MMRN1: variants seen among roughly 807,000 people sequenced by gnomAD.
MMRN1 encodes the protein multimerin-1.
A neutral mutation model predicts 100.7 loss-of-function variants in MMRN1; 94 were observed. That is an observed-to-expected ratio of 0.93 (90% confidence interval 0.79 to 1.11). The LOEUF (loss-of-function observed/expected upper bound fraction) is 1.11. MMRN1 is among the 50% of genes least tolerant of loss of function. The probability of loss-of-function intolerance (pLI) is 0.00; values close to 1 mark genes in which losing one functional copy is unlikely to be tolerated. For synonymous variants in MMRN1, 575 were observed against 505.0 expected, an observed-to-expected ratio of 1.14 and a Z score of -1.86; for missense variants, 1,606 against 1,439.1, an observed-to-expected ratio of 1.12 and a Z score of -1.88.
In MMRN1 at chr4:89,953,377, CCT is replaced by C. The variant is rs747297226; in HGVS notation, c.3647_3648del (p.Pro1216ArgfsTer5). 1.1e-5 allele frequency: 17 copies of C among 1,612,080 alleles called. No homozygotes were observed. The highest frequency in any genetic ancestry group is 2.2e-5 in the East Asian group (1 of 44,852). On this transcript the variant is annotated frameshift_variant, in exon 8 of 8. Transcript: ENST00000264790. LOFTEE classifies it high-confidence loss of function. Reference sequence around the variant, plus strand: ...AGGAACAATTCCAGCCAAGTTTCCCCCTGTTACTACATTTAGTGGCTATTTAT... The same window carrying C: ...AGGAACAATTCCAGCCAAGTTTCCCCGTTACTACATTTAGTGGCTATTTAT... ...AKGTIPAKFP[P>X]VTTFSGYLLY...
chr4:89,905,850 T>C (rs1383628292), intron 1 of MMRN1, among the ~76,000 whole-genome samples: 1 of 151,562 alleles, frequency 6.6e-6, no homozygotes, highest in East Asian at 1.9e-4. Flanking sequence ...CCTCAGGACT[T>C]GGTATTTTCA....
chr4:89,913,598 C>G (rs1721823184), intron 3 of MMRN1, among the ~76,000 whole-genome samples: 1 of 151,248 alleles, frequency 6.6e-6, no homozygotes, highest in South Asian at 2.1e-4. Flanking sequence ...TCCTGCCACT[C>G]TCATTTTTCA....
At chr4:89,907,835 T>TG (rs886352709) in intron 1 of MMRN1, among the ~76,000 whole-genome samples, 2 of 143,444 alleles carry the variant, frequency 1.4e-5, no homozygotes, top group African/African-American at 5.0e-5. Flanking sequence ...TTTTGTTTTT[T>TG]TTTTTTCTAT....
chr4:89,927,926 G>A lies in MMRN1; in HGVS notation c.1087G>A (p.Val363Ile). The change falls in exon 5 of 8, where the codon GTC becomes ATC. Residue 363 changes from valine to isoleucine, a missense_variant. Val to Ile is a conservative substitution (Grantham distance 29). Transcript: ENST00000264790. ...CACTTACTCCTCCCTAGAAGGAAAAGTCAGCGAAGATAAAAGCAGAGAATT... is the reference window on the plus strand; with the variant it reads ...CACTTACTCCTCCCTAGAAGGAAAAATCAGCGAAGATAAAAGCAGAGAATT... ...RNTYSSLEGK[V>I]SEDKSREFQS... is the part of the protein sequence containing the mutation. 1.9e-6 allele frequency: 3 copies of A among 1,606,632 alleles called. No homozygotes were observed. The highest frequency in any genetic ancestry group is 2.5e-6 in the Non-Finnish European group (3 of 1,177,254).
At chr4:89,915,268 T>A (rs1451406347) in intron 3 of MMRN1, among the ~76,000 whole-genome samples, 1 of 151,574 alleles carries the variant, frequency 6.6e-6, no homozygotes, top group Non-Finnish European at 1.5e-5. Flanking sequence ...CATTACCTCC[T>A]CTAAGAGTCT....
rs780384230 is a variant in MMRN1 at position 89,936,812 on chromosome 4, G to A, written c.3118+14G>A. 3 of 1,551,980 alleles carry A rather than the reference G, an allele frequency of 1.9e-6. No individual in the cohort carries two copies. In the East Asian group the frequency reaches 6.7e-5, roughly 35 times the overall value. On this transcript the variant is annotated intron_variant, in intron 6 of 7. Coordinates refer to ENST00000264790, the MANE Select transcript of MMRN1 (RefSeq NM_007351.3). ...TAATATATCCTGGTAAGCTGTTACT[G>A]AAAAGTAACTTTTAATCTCTCTTTT...
chr4:89,925,567 C>T (rs562598536), intron 4 of MMRN1, among the ~76,000 whole-genome samples: 8 of 151,232 alleles, frequency 5.3e-5, no homozygotes, highest in African/African-American at 1.9e-4. Context: ...TGTGGTGGCT[C>T]ACGCCTGTAA....
At chr4:89,929,382 T>C (rs1049283553) in intron 5 of MMRN1, among the ~76,000 whole-genome samples, 1 of 152,116 alleles carries the variant, frequency 6.6e-6, no homozygotes, top group Non-Finnish European at 1.5e-5. Flanking sequence ...TATAAATAAT[T>C]GCTGCTACTC....
intron 6 of MMRN1, among the ~76,000 whole-genome samples, chr4:89,939,776 T>C (rs1722765914): frequency 1.3e-5 from 2 of 152,206 alleles, no homozygotes; most frequent in Non-Finnish European, 2.9e-5. Context: ...ATATTCCATA[T>C]GGCTGGAGCC....
chr4:89,930,254 T>A (rs1722394287), intron 5 of MMRN1, among the ~76,000 whole-genome samples: 1 of 152,210 alleles, frequency 6.6e-6, no homozygotes, highest in Non-Finnish European at 1.5e-5. Flanking sequence ...AACACATTTT[T>A]AAGCTAATAA....
upstream of MMRN1, among the ~76,000 whole-genome samples, chr4:89,892,841 C>G (rs1458424277): frequency 6.6e-6 from 1 of 151,918 alleles, no homozygotes; most frequent in Non-Finnish European, 1.5e-5. Context: ...ACTTGCCAGA[C>G]CAGGTTTGAA....
intron 6 of MMRN1, among the ~76,000 whole-genome samples, chr4:89,946,216 G>C (rs572461901): frequency 6.6e-6 from 1 of 152,226 alleles, no homozygotes; most frequent in Admixed American, 6.5e-5. Flanking sequence ...ATAAAGAAAA[G>C]TGCAAATGTT....
At chr4:89,880,721 T>A (rs1720798247) in intron 1 of MMRN1, among the ~76,000 whole-genome samples, 1 of 152,158 alleles carries the variant, frequency 6.6e-6, no homozygotes, top group Non-Finnish European at 1.5e-5. Flanking sequence ...TATCTCGCTT[T>A]ACATTGTATG....
chr4:89,938,506 TA>T, intron 6 of MMRN1, among the ~76,000 whole-genome samples: 1 of 81,970 alleles, frequency 1.2e-5, no homozygotes, highest in Non-Finnish European at 2.5e-5. Context: ...TATATATATA[TA>T]TATATTTAAA....
intron 1 of MMRN1, among the ~76,000 whole-genome samples, chr4:89,901,489 G>T (rs74547239): frequency 0.026 from 3,915 of 152,014 alleles, 83 homozygotes; most frequent in Non-Finnish European, 0.04. Context: ...TGCTCATTTT[G>T]TGTGAATTAT....
chr4:89,906,710 T>G (rs2110592015), intron 1 of MMRN1, among the ~76,000 whole-genome samples: 1 of 151,678 alleles, frequency 6.6e-6, no homozygotes, highest in Middle Eastern at 3.4e-3. Flanking sequence ...ATTTTTAATA[T>G]CCCTTAATGA....
At chr4:89,894,496 T>A (rs1419766546), upstream of MMRN1, among the ~76,000 whole-genome samples, 1 of 152,178 alleles carries the variant, frequency 6.6e-6, no homozygotes, top group Non-Finnish European at 1.5e-5. Flanking sequence ...GCACAGCAGA[T>A]AAGTATCATA....
intron 1 of MMRN1, among the ~76,000 whole-genome samples, chr4:89,880,859 A>G (rs1720800915): frequency 6.6e-6 from 1 of 152,118 alleles, no homozygotes; most frequent in Non-Finnish European, 1.5e-5. Flanking sequence ...GGATGTTAAA[A>G]AACAGTCTCA....
chr4:89,889,054 G>A (rs1720995466), intron 1 of MMRN1, among the ~76,000 whole-genome samples: 1 of 152,048 alleles, frequency 6.6e-6, no homozygotes, highest in Non-Finnish European at 1.5e-5. Context: ...CTCAGAGAAG[G>A]ACATTCTTAT....
Sources: allele counts gnomAD v4.1 joint callset (sites outside exome capture counted in the v4.1 genomes callset), GRCh38; gene constraint gnomAD v4.1.1; transcripts MANE v1.5; gene names NCBI Gene and HGNC (gene_info 2026-07-23, HGNC 2026-07-21).